The following PRR5 variants were observed in gnomAD, a reference collection of about 807,000 sequenced individuals.
PRR5 encodes proline-rich protein 5.
Under a neutral mutation model 30.6 loss-of-function variants are expected in PRR5, and 25 were observed. That is an observed-to-expected ratio of 0.82 (90% CI 0.60 to 1.14). The LOEUF is 1.14. PRR5 is among the 50% of genes most tolerant of loss of function. PRR5 has a pLI of 0.00. For missense variants in PRR5, 600 were observed against 547.1 expected (o/e 1.10, Z -0.96); for synonymous variants, 286 against 247.1 (o/e 1.16, Z -1.48).
rs942916651 is a variant in PRR5 at position 44,702,403 on chromosome 22, G to T, written c.-72G>T. 9.8e-6 allele frequency: 12 copies of T among 1,228,992 alleles called. No individual in the cohort carries two copies. In the African/African-American group the frequency reaches 1.7e-4, roughly 18 times the overall value. 76.1% of individuals were successfully genotyped at this position (1,228,992 alleles called of 1,614,324 possible). On this transcript the variant is annotated 5_prime_UTR_variant, in exon 1 of 8. Transcript: ENST00000336985. ...GTAGAGGGCGCATCGCCGGCCCGGG[G>T]CCCTTGGTGCGGCGTGGCGCAGGGC...
In PRR5 at chr22:44,721,099, G is replaced by A. The variant is rs143282471; in HGVS notation, c.216-4145G>A. ...CTGCTCCTGATCCCAGTTGACCCCC[G>A]GGACCCTCTGTTACCGGTGGAGGGT... On this transcript the variant is annotated intron_variant, in intron 2 of 7. Coordinates refer to ENST00000336985, the MANE Select transcript of PRR5 (RefSeq NM_181333.4). Among the ~76,000 whole-genome samples the A allele has an allele frequency of 2.0e-3, 312 of 152,306 alleles. 1 individual carries two copies. Among genetic ancestry groups the A allele is most frequent in the African/African-American group, 6.9e-3 (285 of 41,568 alleles).
In PRR5 at chr22:44,677,763, G is replaced by T. The variant is rs185239815; in HGVS notation, c.-11+523G>T. On this transcript the variant is annotated intron_variant, in intron 1 of 8. Transcript: ENST00000006251. ...TCACATGCTGTGTGACCTTGGACAG[G>T]TTGCTTCACCTCTCTGAGCCTCGGT... 5.6e-4 allele frequency among the ~76,000 whole-genome samples: 86 copies of T among 152,304 alleles called. 1 individual carries two copies. In the East Asian group the frequency reaches 0.015, roughly 26 times the overall value.
intron 1 of PRR5, 54 bp downstream of exon 1, chr22:44,702,662 C>T: frequency 1.6e-6 from 2 of 1,253,014 alleles, no homozygotes; most frequent in Non-Finnish European, 2.0e-6. Context: ...GGGAGGGGAC[C>T]CCTGAGCCGT....
chr22:44,699,145 C>T (rs1229378815), upstream of PRR5, among the ~76,000 whole-genome samples: 1 of 152,218 alleles, frequency 6.6e-6, no homozygotes, highest in African/African-American at 2.4e-5. Context: ...CAGCCATCCC[C>T]ACCTCCGGAA....
upstream of PRR5, among the ~76,000 whole-genome samples, chr22:44,675,795 A>ATTATTT (rs980600222): frequency 6.9e-6 from 1 of 144,990 alleles, no homozygotes; most frequent in Non-Finnish European, 1.5e-5. Context: ...TATTATTATT[A>ATTATTT]TTACTTAGGT....
chr22:44,689,988 C>T (rs1601964282), intron 1 of PRR5, among the ~76,000 whole-genome samples: 1 of 152,294 alleles, frequency 6.6e-6, no homozygotes, highest in East Asian at 1.9e-4. Flanking sequence ...CAGGAGAAGG[C>T]ACTGCTGGCC....
chr22:44,732,043 CGT>C (rs1487977064), intron 5 of PRR5, among the ~76,000 whole-genome samples: 1 of 152,230 alleles, frequency 6.6e-6, no homozygotes, highest in Non-Finnish European at 1.5e-5. Flanking sequence ...CGAGGCACAG[CGT>C]AGGGGCTCTG....
intron 2 of PRR5, among the ~76,000 whole-genome samples, chr22:44,722,303 A>G (rs149301559): frequency 6.7e-4 from 102 of 152,368 alleles, no homozygotes; most frequent in African/African-American, 1.9e-3. Context: ...TGGGGACACT[A>G]ACATCACCTG....
At chr22:44,734,182 G>C (rs60746755) in intron 6 of PRR5, 1 of 152,094 alleles carries the variant, frequency 6.6e-6, no homozygotes, top group Non-Finnish European at 1.5e-5. Context: ...TGAGGCAGGA[G>C]AATCACTTGA....
At chr22:44,668,854 T>G (rs1923240911) in intron 1 of PRR5, 1 of 145,382 alleles carries the variant, frequency 6.9e-6, no homozygotes. Context: ...GGGGACCGGG[T>G]GGCTGGGGTT....
intron 4 of PRR5, chr22:44,731,020 T>C (rs1437747847): frequency 5.5e-6 from 2 of 360,374 alleles, no homozygotes; most frequent in Non-Finnish European, 1.2e-5. Context: ...TGTTCTGTGT[T>C]TGTTGGAGGG....
At chr22:44,707,056 A>G (rs1298668087) in intron 1 of PRR5, among the ~76,000 whole-genome samples, 1 of 152,050 alleles carries the variant, frequency 6.6e-6, no homozygotes, top group Non-Finnish European at 1.5e-5. Flanking sequence ...TAAAGACACG[A>G]AGTCTGACCT....
At chr22:44,736,548 T>G (rs1416250817) in intron 7 of PRR5, among the ~76,000 whole-genome samples, 3 of 152,222 alleles carry the variant, frequency 2.0e-5, no homozygotes, top group East Asian at 3.9e-4. Flanking sequence ...GGCATTTGAC[T>G]TGAGGTCCTG....
At chr22:44,722,353 C>T (rs886795068) in intron 2 of PRR5, among the ~76,000 whole-genome samples, 3 of 152,366 alleles carry the variant, frequency 2.0e-5, no homozygotes, top group African/African-American at 7.2e-5. Context: ...TGGCCTGCCT[C>T]AGCACTGCCC....
intron 1 of PRR5, among the ~76,000 whole-genome samples, chr22:44,683,554 C>T (rs891427235): frequency 2.0e-5 from 3 of 152,374 alleles, no homozygotes; most frequent in Admixed American, 6.5e-5. Flanking sequence ...CTTCCTCCCA[C>T]GCCCAGCACC....
chr22:44,680,043 G>A (rs1924133386), intron 1 of PRR5, among the ~76,000 whole-genome samples: 2 of 152,214 alleles, frequency 1.3e-5, no homozygotes. Context: ...TTGGTGGGGT[G>A]AGCAGTGATG....
upstream of PRR5, among the ~76,000 whole-genome samples, chr22:44,675,390 G>A (rs926281243): frequency 6.6e-6 from 1 of 152,208 alleles, no homozygotes; most frequent in African/African-American, 2.4e-5. Context: ...ACCACGTCTG[G>A]CCTGTTCTGC....
intron 1 of PRR5, among the ~76,000 whole-genome samples, chr22:44,683,181 C>CT (rs1343588984): frequency 6.6e-6 from 1 of 152,234 alleles, no homozygotes; most frequent in African/African-American, 2.4e-5. Flanking sequence ...ATTGCTCAGG[C>CT]TGCCTGCAAG....
At position 44,704,539 on chromosome 22, in the gene PRR5, G is replaced by A. The variant is rs566232912; in HGVS notation, c.134+1931G>A. Among the ~76,000 whole-genome samples, 4 of 151,950 alleles carry A rather than the reference G, an allele frequency of 2.6e-5. No homozygotes were observed. The South Asian group carries it at 6.2e-4, about 24-fold the overall frequency. On this transcript the variant is annotated intron_variant, in intron 1 of 7. Transcript: ENST00000336985. ...CAGAGAAATGCCAGCCCCTCCCCGC[G>A]GCACCTGCAGGGCTCCAGGTCTCCC...
Sources: gnomAD v4.1 joint callset for allele counts (sites outside exome capture counted in the v4.1 genomes callset) on GRCh38, gnomAD v4.1.1 for gene constraint, MANE v1.5 for transcripts, NCBI Gene and HGNC (gene_info 2026-07-23, HGNC 2026-07-21) for gene names.